NHSL2: variants seen among roughly 807,000 people sequenced by gnomAD.
NHSL2 encodes the protein NHS like 2.
NHSL2 carries 27 observed loss-of-function variants against 53.4 expected under a neutral mutation model. The observed-to-expected ratio is 0.51, with a 90% CI of 0.37 to 0.70. The LOEUF (loss-of-function observed/expected upper bound fraction) is 0.70. Among genes scored for constraint, NHSL2 ranks in the 30% least tolerant of loss-of-function variants. The pLI is 0.00. For synonymous variants in NHSL2, 408 were observed against 404.1 expected (o/e 1.01, Z -0.12); for missense variants, 892 against 980.1 (o/e 0.91, Z 1.20).
intron 1 of NHSL2, among the ~76,000 whole-genome samples, chrX:72,066,165 G>C (rs2042428149): frequency 9.0e-6 from 1 of 111,667 alleles, no homozygotes; most frequent in Non-Finnish European, 1.9e-5. Flanking sequence ...TGGTGACTGG[G>C]ACCAGGGTGA....
chrX:71,930,101 C>T (rs2041705500), intron 1 of NHSL2, among the ~76,000 whole-genome samples: 1 of 111,792 alleles, frequency 8.9e-6, no homozygotes, highest in East Asian at 2.8e-4. Context: ...CACTTCCTCA[C>T]CCCCTTGCAA....
rs1171551935 is a variant in NHSL2 at position 72,143,333 on chromosome X, A to G, written c.3437A>G (p.Lys1146Arg). 2.6e-6 allele frequency: 3 copies of G among 1,164,746 alleles called. No individual in the cohort carries two copies. The highest frequency in any genetic ancestry group is 3.3e-5 in the East Asian group (1 of 30,695). Reference protein sequence around the residue: ...GGRTSSHSPIKNTAESPISES... With the variant: ...GGRTSSHSPIRNTAESPISES... The stretch of plus-strand genomic sequence containing the variant: ...AGAACGAGTTCCCACTCACCAATAA[A>G]GAACACAGCTGAGTCTCCAATCAGT... Residue 1146 changes from lysine to arginine, a missense_variant, in exon 8 of 8, where the codon AAG becomes AGG. Coordinates refer to ENST00000633930, the MANE Select transcript of NHSL2 (RefSeq NM_001013627.3).
chrX:71,929,433 T>C (rs1260459713), intron 1 of NHSL2, among the ~76,000 whole-genome samples: 8 of 112,709 alleles, frequency 7.1e-5, no homozygotes, highest in Non-Finnish European at 1.5e-4. Flanking sequence ...GTTTGTTGCC[T>C]ACATTCATCA....
chrX:72,044,902 T>C, intron 1 of NHSL2: 4 of 782,358 alleles, frequency 5.1e-6, no homozygotes, highest in Non-Finnish European at 7.7e-6. Flanking sequence ...AGGAGCTGAG[T>C]TCTTAAAGAC....
rs1212755751 is a variant in NHSL2 at position 72,089,158 on chromosome X, T to C, written c.281-42921T>C. Among the ~76,000 whole-genome samples, 21 of 110,233 alleles carry C rather than the reference T, an allele frequency of 1.9e-4. No homozygotes were observed. The Admixed American group carries it at 2.0e-3, about 11-fold the overall frequency. Reference sequence around the variant, plus strand: ...CTTGTGTCACCTTGAACAAGAAGCCTCCCTACCCCTCAGTTTCCTCATCAA... The same window carrying C: ...CTTGTGTCACCTTGAACAAGAAGCCCCCCTACCCCTCAGTTTCCTCATCAA... On this transcript the variant is annotated intron_variant, in intron 1 of 7. Coordinates refer to ENST00000633930, the MANE Select transcript of NHSL2 (RefSeq NM_001013627.3).
At chrX:71,972,902 T>TG (rs1569467959) in intron 1 of NHSL2, among the ~76,000 whole-genome samples, 39 of 65,683 alleles carry the variant, frequency 5.9e-4, no homozygotes, top group Non-Finnish European at 8.9e-4. Flanking sequence ...GTGTGTGTGT[T>TG]TGGCTTGGAG....
intron 1 of NHSL2, among the ~76,000 whole-genome samples, chrX:72,047,380 C>T (rs183505010): frequency 1.6e-4 from 18 of 112,386 alleles, no homozygotes; most frequent in Admixed American, 1.3e-3. Flanking sequence ...CGGAGGCCAT[C>T]GACATTGGAG....
intron 1 of NHSL2, among the ~76,000 whole-genome samples, chrX:72,122,452 C>T (rs1202288314): frequency 8.9e-6 from 1 of 112,717 alleles, no homozygotes; most frequent in African/African-American, 3.2e-5. Context: ...GCCCAATACA[C>T]GGTAAGCACT....
intron 1 of NHSL2, among the ~76,000 whole-genome samples, chrX:71,934,055 T>C (rs1440583711): frequency 9.0e-6 from 1 of 110,759 alleles, no homozygotes; most frequent in Non-Finnish European, 1.9e-5. Context: ...CCTCTTTCCC[T>C]ACCACCCCCA....
intron 1 of NHSL2, among the ~76,000 whole-genome samples, chrX:71,924,781 A>G (rs1276146464): frequency 8.9e-6 from 1 of 112,530 alleles, no homozygotes; most frequent in Non-Finnish European, 1.9e-5. Context: ...AACTTGGCTT[A>G]CTTTGCTAAT....
intron 1 of NHSL2, among the ~76,000 whole-genome samples, chrX:72,019,509 G>A (rs2042150379): frequency 8.9e-6 from 1 of 112,214 alleles, no homozygotes; most frequent in Admixed American, 9.4e-5. Flanking sequence ...TTATGCTCCC[G>A]AGTACATGGA....
chrX:72,032,954 T>G (rs1350186466), intron 1 of NHSL2, among the ~76,000 whole-genome samples: 1 of 112,363 alleles, frequency 8.9e-6, no homozygotes, highest in Non-Finnish European at 1.9e-5. Context: ...TTTATCTATC[T>G]CTCCACCAAT....
chrX:71,978,508 G>T (rs2041958845), intron 1 of NHSL2, among the ~76,000 whole-genome samples: 1 of 112,198 alleles, frequency 8.9e-6, no homozygotes. Flanking sequence ...CATAGGACTA[G>T]AAGAAAGATG....
chrX:72,116,345 G>A (rs2042138843), intron 1 of NHSL2, among the ~76,000 whole-genome samples: 1 of 112,077 alleles, frequency 8.9e-6, no homozygotes, highest in African/African-American at 3.2e-5. Context: ...GATTTGATAA[G>A]TAAAAAAATA....
chrX:72,025,411 C>G (rs1281571694), intron 1 of NHSL2, among the ~76,000 whole-genome samples: 1 of 111,765 alleles, frequency 8.9e-6, no homozygotes, highest in African/African-American at 3.3e-5. Context: ...GGCACCTCAC[C>G]TATGCACTCT....
rs1366072884 is a variant in NHSL2 at position 72,149,621 on chromosome X, G to A, written c.*6047G>A. ...AAATATCAATATATGTATGTGCTGA[G>A]GTCTTCTGATGAATTGTAAATTACA... On this transcript the variant is annotated 3_prime_UTR_variant, in exon 8 of 8. Transcript: ENST00000633930. 8.9e-5 allele frequency: 10 copies of A among 111,976 alleles called. No homozygotes were observed. Among genetic ancestry groups the A allele is most frequent in the African/African-American group, 2.9e-4 (9 of 30,806 alleles). 9.2% of individuals were successfully genotyped at this position (111,976 alleles called of 1,213,427 possible).
At chrX:71,944,373 T>C (rs887134693) in intron 1 of NHSL2, among the ~76,000 whole-genome samples, 5 of 112,136 alleles carry the variant, frequency 4.5e-5, no homozygotes, top group African/African-American at 1.6e-4. Context: ...AAGACCAGTT[T>C]AGAGAGTAAG....
At chrX:71,993,796 A>G (rs2042037840) in intron 1 of NHSL2, among the ~76,000 whole-genome samples, 1 of 111,074 alleles carries the variant, frequency 9.0e-6, no homozygotes, top group African/African-American at 3.3e-5. Context: ...AGTGTAAGAC[A>G]AGTCACGGTG....
In NHSL2 at chrX:72,147,560, C is replaced by A. The variant is rs185756329; in HGVS notation, c.*3986C>A. 1 of 111,963 alleles carries A rather than the reference C, an allele frequency of 8.9e-6. No homozygotes were observed. Among genetic ancestry groups the A allele is most frequent in the East Asian group, 2.8e-4 (1 of 3,574 alleles). 9.2% of individuals were successfully genotyped at this position (111,963 alleles called of 1,213,427 possible). A position where few individuals can be genotyped will look rare whatever the true frequency, so the allele number is the denominator to read the frequency against. On this transcript the variant is annotated 3_prime_UTR_variant, in exon 8 of 8. Coordinates refer to ENST00000633930, the MANE Select transcript of NHSL2 (RefSeq NM_001013627.3). ...AAAGAATCTTTAATAGTGTTAATAT[C>A]GGAAAACATAGTTGATTTCTAAGTA...
Sources: allele counts gnomAD v4.1 joint callset (sites outside exome capture counted in the v4.1 genomes callset), GRCh38; gene constraint gnomAD v4.1.1; transcripts MANE v1.5; gene names NCBI Gene and HGNC (gene_info 2026-07-23, HGNC 2026-07-21).